Variants in DNAH7 observed in about 807,000 individuals in gnomAD.
DNAH7 encodes the protein axonemal beta dynein heavy chain 7.
In DNAH7, 397 loss-of-function variants were observed where a neutral mutation model predicts 444.6. That is an observed-to-expected ratio of 0.89 (90% CI 0.82 to 0.97). The LOEUF is 0.97. DNAH7 is among the 50% of genes least tolerant of loss of function. The pLI, the probability that DNAH7 is intolerant of heterozygous loss-of-function variation, is 0.00. For synonymous variants in DNAH7, 1,636 were observed against 1,624.4 expected (o/e 1.01, Z -0.17); for missense variants, 4,902 against 4,800.8 (o/e 1.02, Z -0.62).
At chr2:196,052,509 G>A (rs1480636138) in intron 2 of DNAH7, among the ~76,000 whole-genome samples, 1 of 152,210 alleles carries the variant, frequency 6.6e-6, no homozygotes, top group Non-Finnish European at 1.5e-5. Flanking sequence ...ATTTTATGTT[G>A]ATTACCATAT....
chr2:196,038,066 A>G (rs953596058), intron 5 of DNAH7, among the ~76,000 whole-genome samples: 2 of 152,326 alleles, frequency 1.3e-5, no homozygotes, highest in African/African-American at 4.8e-5. Context: ...CATACTTATC[A>G]GCAGAAACCT....
intron 3 of DNAH7, among the ~76,000 whole-genome samples, chr2:196,049,107 T>C (rs1697315263): frequency 6.6e-6 from 1 of 152,208 alleles, no homozygotes; most frequent in African/African-American, 2.4e-5. Flanking sequence ...AAGTAAAATC[T>C]ATATATTTTT....
chr2:195,844,147 A>G (rs1698847909), intron 47 of DNAH7, among the ~76,000 whole-genome samples: 1 of 152,196 alleles, frequency 6.6e-6, no homozygotes, highest in Admixed American at 6.5e-5. Context: ...AGGAATAACT[A>G]GTCTCCACAT....
At position 195,875,712 on chromosome 2, in the gene DNAH7, T is replaced by G; in HGVS notation, c.6249A>C (p.Leu2083=). ...TAGCACACATGATCTGAATGTCCAC[T>G]AGTTTAATCATGGAACAATCTTTTA... ...YDLKDCSMIK[L]VDIQIMCAMG... Residue 2083 remains leucine (L), a synonymous_variant, in exon 38 of 65, where the codon CTA becomes CTC. Coordinates refer to ENST00000312428, the MANE Select transcript of DNAH7 (RefSeq NM_018897.3). 2 of 1,608,696 alleles carry G rather than the reference T, an allele frequency of 1.2e-6. No individual in the cohort carries two copies. The highest frequency in any genetic ancestry group is 1.7e-6 in the Non-Finnish European group (2 of 1,178,208).
chr2:195,985,124 G>A (rs1378690903), intron 14 of DNAH7, among the ~76,000 whole-genome samples: 2 of 152,158 alleles, frequency 1.3e-5, no homozygotes, highest in African/African-American at 4.8e-5. Flanking sequence ...ATAGGCCTGT[G>A]TGCTCAGGAA....
intron 46 of DNAH7, among the ~76,000 whole-genome samples, chr2:195,852,706 A>C (rs1182572511): frequency 6.6e-6 from 1 of 152,178 alleles, no homozygotes; most frequent in Non-Finnish European, 1.5e-5. Flanking sequence ...AGGGAGAAGA[A>C]AGAGGCAGAA....
At chr2:195,828,610 ATT>A (rs35765183) in intron 48 of DNAH7, among the ~76,000 whole-genome samples, 6,942 of 134,936 alleles carry the variant, frequency 0.051, 254 homozygotes, top group African/African-American at 0.11. Flanking sequence ...ATATATATAT[ATT>A]TTTTTTTTTT....
chr2:195,939,305 C>A (rs1689264993), intron 19 of DNAH7, among the ~76,000 whole-genome samples: 1 of 152,058 alleles, frequency 6.6e-6, no homozygotes, highest in South Asian at 2.1e-4. Flanking sequence ...ATTTTATAAT[C>A]TTCCATCCTT....
rs748140551 is a variant in DNAH7, at chr2:195,984,621, A to G, written c.1833+11T>C. 8.1e-6 allele frequency: 13 copies of G among 1,611,692 alleles called. No individual in the cohort carries two copies. In the African/African-American group the frequency reaches 1.7e-4, roughly 22 times the overall value. On this transcript the variant is annotated intron_variant, in intron 15 of 64. Transcript: ENST00000312428. Reference sequence around the variant, plus strand: ...ATACACACACAATTATGGAGAAGCTATAAACAATACCTTCATTTCCATTAG... The same window carrying G: ...ATACACACACAATTATGGAGAAGCTGTAAACAATACCTTCATTTCCATTAG...
At chr2:195,827,488 C>T (rs915827589) in intron 48 of DNAH7, among the ~76,000 whole-genome samples, 3 of 152,122 alleles carry the variant, frequency 2.0e-5, no homozygotes, top group Admixed American at 2.0e-4. Context: ...CATGTTGTTG[C>T]CCAGGCTGCT....
chr2:195,743,825 T>G (rs1693201812), intron 63 of DNAH7, among the ~76,000 whole-genome samples: 1 of 152,208 alleles, frequency 6.6e-6, no homozygotes, highest in Non-Finnish European at 1.5e-5. Flanking sequence ...GTAAATAAAG[T>G]TCAAGATTTT....
At chr2:195,748,702 C>T (rs1438540309) in intron 63 of DNAH7, among the ~76,000 whole-genome samples, 2 of 152,170 alleles carry the variant, frequency 1.3e-5, no homozygotes, top group Non-Finnish European at 2.9e-5. Flanking sequence ...ACTATCTGAT[C>T]TTTGACAAAC....
At chr2:195,886,403 G>A in intron 33 of DNAH7, 131 bp from the exon 34 acceptor site, 1 of 753,974 alleles carries the variant, frequency 1.3e-6, no homozygotes, top group Non-Finnish European at 2.1e-6. Context: ...CTACCTACGA[G>A]TAGGTACTAT....
intron 48 of DNAH7, 137 bp downstream of exon 48, chr2:195,834,069 T>C: frequency 1.2e-6 from 1 of 823,932 alleles, no homozygotes; most frequent in African/African-American, 1.7e-5. Flanking sequence ...TAGCCAAGCG[T>C]GGGGGCATGT....
chr2:196,041,611 G>A (rs1316768519), intron 5 of DNAH7, among the ~76,000 whole-genome samples: 1 of 152,006 alleles, frequency 6.6e-6, no homozygotes, highest in African/African-American at 2.4e-5. Flanking sequence ...AGTACTAGAA[G>A]AAAACATTGG....
At chr2:195,877,802 T>C (rs1007061743) in intron 36 of DNAH7, among the ~76,000 whole-genome samples, 1 of 152,218 alleles carries the variant, frequency 6.6e-6, no homozygotes, top group African/African-American at 2.4e-5. Context: ...AGCTACCTTT[T>C]TAAATTTAAA....
intron 8 of DNAH7, among the ~76,000 whole-genome samples, chr2:196,023,982 T>C (rs1453155147): frequency 2.6e-5 from 4 of 152,162 alleles, no homozygotes; most frequent in African/African-American, 4.8e-5. Context: ...TTTATTGACA[T>C]CGTTTGCCAT....
At chr2:195,948,760 G>A (rs2125467637) in intron 19 of DNAH7, among the ~76,000 whole-genome samples, 1 of 152,302 alleles carries the variant, frequency 6.6e-6, no homozygotes, top group Non-Finnish European at 1.5e-5. Flanking sequence ...GCTTAGGATT[G>A]TCTTGGCTAT....
At chr2:195,973,155 GCAGAGTGGTAGGGCAGCAGAC>G (rs535545780) in intron 15 of DNAH7, among the ~76,000 whole-genome samples, 120 of 152,300 alleles carry the variant, frequency 7.9e-4, no homozygotes, top group African/African-American at 2.7e-3. Context: ...CAGCACTGCA[GCAGAGTGGTAGGGCAGCAGAC>G]CAGAGTGGTA....
Sources: allele counts gnomAD v4.1 joint callset (sites outside exome capture counted in the v4.1 genomes callset), GRCh38; gene constraint gnomAD v4.1.1; transcripts MANE v1.5; gene names NCBI Gene and HGNC (gene_info 2026-07-23, HGNC 2026-07-21).